KCNH5: variants seen among roughly 807,000 people sequenced by gnomAD.
KCNH5 encodes voltage-gated delayed rectifier potassium channel KCNH5.
Under a neutral mutation model 96.1 loss-of-function variants are expected in KCNH5, and 46 were observed. The observed-to-expected ratio is 0.48, with a 90% CI of 0.38 to 0.61. The LOEUF (loss-of-function observed/expected upper bound fraction) is 0.61, where lower values mean the gene tolerates loss of function less well. KCNH5 is among the 20% of genes least tolerant of loss of function. The pLI is 0.00. For synonymous variants in KCNH5, 439 were observed against 449.8 expected (o/e 0.98, Z 0.30); for missense variants, 907 against 1,225.8 (o/e 0.74, Z 3.88).
intron 10 of KCNH5, among the ~76,000 whole-genome samples, chr14:62,713,503 C>G (rs1269077939): frequency 6.6e-6 from 1 of 152,162 alleles, no homozygotes; most frequent in Non-Finnish European, 1.5e-5. Flanking sequence ...CCACTAGAAG[C>G]TCATTTTCTA....
chr14:62,853,645 G>C (rs1207495261), intron 7 of KCNH5, among the ~76,000 whole-genome samples: 1 of 151,350 alleles, frequency 6.6e-6, no homozygotes, highest in African/African-American at 2.4e-5. Flanking sequence ...TTTACTAGCT[G>C]TTCCTTGAAC....
At position 62,934,775 on chromosome 14, in the gene KCNH5, G is replaced by C. The variant is rs529676171; in HGVS notation, c.1369+15358C>G. The stretch of plus-strand genomic sequence containing the variant: ...GCATAGATTTCCTTTGCAAGTGCCA[G>C]GCCCTCGAGATAGCAAATGGTTTTT... On this transcript the variant is annotated intron_variant, in intron 7 of 10. Transcript: ENST00000322893. 1.9e-4 allele frequency among the ~76,000 whole-genome samples: 29 copies of C among 152,220 alleles called. 1 individual carries two copies. The highest frequency in any genetic ancestry group is 6.3e-4 in the African/African-American group (26 of 41,544).
At chr14:62,792,743 C>T (rs1566662049) in intron 9 of KCNH5, among the ~76,000 whole-genome samples, 2 of 151,608 alleles carry the variant, frequency 1.3e-5, no homozygotes, top group Non-Finnish European at 3.0e-5. Context: ...ACGAATCTGA[C>T]ATCCTGACTC....
chr14:62,891,610 T>C (rs77055962), intron 7 of KCNH5, among the ~76,000 whole-genome samples: 3,199 of 152,218 alleles, frequency 0.021, 58 homozygotes, highest in East Asian at 0.083. Flanking sequence ...TATAACCCTA[T>C]ATAGGCATAC....
chr14:62,892,613 TAC>T (rs1318246619), intron 7 of KCNH5, among the ~76,000 whole-genome samples: 19 of 152,204 alleles, frequency 1.2e-4, no homozygotes, highest in Non-Finnish European at 2.6e-4. Context: ...CTTTCATAGC[TAC>T]AGAGAAGTCA....
chr14:62,709,625 C>A (rs1468815439), intron 10 of KCNH5, among the ~76,000 whole-genome samples: 1 of 152,098 alleles, frequency 6.6e-6, no homozygotes, highest in East Asian at 1.9e-4. Context: ...ATACATAGTA[C>A]AGGTGAGGGG....
intron 7 of KCNH5, among the ~76,000 whole-genome samples, chr14:62,902,788 C>T (rs1052503371): frequency 3.3e-5 from 5 of 151,488 alleles, no homozygotes; most frequent in African/African-American, 7.3e-5. Context: ...GGCACGATCT[C>T]GGCTCACTGC....
Position 63,045,202 on chromosome 14 carries a change from C to G in KCNH5, c.-16G>C, listed in dbSNP as rs1891901127. 1 of 1,610,520 alleles carries G rather than the reference C, an allele frequency of 6.2e-7. No individual in the cohort carries two copies. Among genetic ancestry groups the G allele is most frequent in the Non-Finnish European group, 8.5e-7 (1 of 1,178,344 alleles). On this transcript the variant is annotated 5_prime_UTR_variant, in exon 1 of 11. Coordinates refer to ENST00000322893, the MANE Select transcript of KCNH5 (RefSeq NM_139318.5). ...CCCCCGGCATCCTGGGTCTGGAGAG[C>G]AGCGGCCAGGATCCGCGGCGGGGGA...
rs71120235 is a variant in KCNH5 at position 62,814,782 on chromosome 14, C to CAAA, written c.1570-12204_1570-12202dup. Among the ~76,000 whole-genome samples the CAAA allele has an allele frequency of 2.8e-3, 94 of 33,752 alleles. 21 individuals are homozygous for CAAA. The highest frequency in any genetic ancestry group is 0.013 in the African/African-American group (85 of 6,572). 22.1% of individuals were successfully genotyped at this position (33,752 alleles called of 152,430 possible). On this transcript the variant is annotated intron_variant, in intron 8 of 10. Transcript: ENST00000322893. ...TGGGCGACAAAGCGAGACTCCATCT[C>CAAA]AAAAAAAAAAAAAAAAAAAAAAAAA...
intron 7 of KCNH5, among the ~76,000 whole-genome samples, chr14:62,898,960 C>T (rs1888869325): frequency 6.6e-6 from 1 of 152,038 alleles, no homozygotes; most frequent in Non-Finnish European, 1.5e-5. Flanking sequence ...GTAACGTAGC[C>T]TCAAATATAT....
chr14:62,880,620 G>A (rs1175604912), intron 7 of KCNH5, among the ~76,000 whole-genome samples: 3 of 152,132 alleles, frequency 2.0e-5, no homozygotes, highest in African/African-American at 4.8e-5. Flanking sequence ...TGTTTAGAAC[G>A]ATATTAAAAT....
intron 4 of KCNH5, among the ~76,000 whole-genome samples, chr14:62,996,405 G>T (rs73278540): frequency 1.8e-4 from 28 of 152,232 alleles, no homozygotes; most frequent in African/African-American, 6.7e-4. Flanking sequence ...TTCTGGCACT[G>T]GAAAGAGACC....
chr14:62,867,284 C>T (rs1027932486), intron 7 of KCNH5, among the ~76,000 whole-genome samples: 2 of 152,122 alleles, frequency 1.3e-5, no homozygotes, highest in African/African-American at 4.8e-5. Context: ...GGCGGATTGG[C>T]TAAAACACAA....
chr14:62,831,120 CTTTTT>C lies in KCNH5; in HGVS notation c.1569+18528_1569+18532del, dbSNP rs1887339284. Among the ~76,000 whole-genome samples the C allele has an allele frequency of 2.0e-5, 3 of 152,226 alleles. No homozygotes were observed. The South Asian group carries it at 6.2e-4, about 32-fold the overall frequency. The stretch of plus-strand genomic sequence containing the variant: ...AGTATTTTCCATTTAGGACAGGATT[CTTTTT>C]TCTGCTAGTGAACCCTGGTGGCTAT... On this transcript the variant is annotated intron_variant, in intron 8 of 10. Coordinates refer to ENST00000322893, the MANE Select transcript of KCNH5 (RefSeq NM_139318.5).
intron 6 of KCNH5, among the ~76,000 whole-genome samples, chr14:62,967,883 C>A (rs375659001): frequency 3.7e-4 from 56 of 152,164 alleles, no homozygotes; most frequent in African/African-American, 1.2e-3. Flanking sequence ...TGATGCTTAA[C>A]AATAGGAACA....
At chr14:62,732,372 T>A (rs116509666) in intron 10 of KCNH5, among the ~76,000 whole-genome samples, 114 of 152,294 alleles carry the variant, frequency 7.5e-4, no homozygotes, top group African/African-American at 2.7e-3. Context: ...ATTGTCTGAA[T>A]CTGTCAAGAC....
Position 62,844,955 on chromosome 14 carries a change from G to GTAC in KCNH5, c.1569+4697_1569+4698insGTA, listed in dbSNP as rs202101533. Among the ~76,000 whole-genome samples, 1,258 of 152,166 alleles carry GTAC rather than the reference G, an allele frequency of 8.3e-3. 13 individuals carry two copies. The highest frequency in any genetic ancestry group is 0.041 in the Middle Eastern group (12 of 294). ...GGTTTTTTCTCTAATTAGCTTCAAT[G>GTAC]AATCATTAAATTTCTTTGTACAAGC... On this transcript the variant is annotated intron_variant, in intron 8 of 10. Transcript: ENST00000322893.
chr14:62,992,809 T>C (rs1890835426), intron 4 of KCNH5, among the ~76,000 whole-genome samples: 1 of 152,042 alleles, frequency 6.6e-6, no homozygotes, highest in Non-Finnish European at 1.5e-5. Context: ...TATAGAAGCT[T>C]TTAGTTTAAT....
intron 7 of KCNH5, among the ~76,000 whole-genome samples, chr14:62,947,981 C>T (rs550947804): frequency 3.9e-4 from 59 of 152,052 alleles, no homozygotes; most frequent in African/African-American, 1.4e-3. Flanking sequence ...TCCCCTCTCC[C>T]CCCACCCCAC....
Sources: gnomAD v4.1 joint callset for allele counts (sites outside exome capture counted in the v4.1 genomes callset) on GRCh38, gnomAD v4.1.1 for gene constraint, MANE v1.5 for transcripts, NCBI Gene and HGNC (gene_info 2026-07-23, HGNC 2026-07-21) for gene names.